OCA2: variants seen among roughly 807,000 people sequenced by gnomAD.
OCA2 encodes OCA2 melanosomal transmembrane protein.
Under a neutral mutation model 100.2 loss-of-function variants are expected in OCA2, and 77 were observed. The ratio of observed to expected loss-of-function variants is 0.77; its 90% CI spans 0.64 to 0.93. The LOEUF is 0.93. OCA2 is among the 40% of genes least tolerant of loss of function. The probability of loss-of-function intolerance (pLI) is 0.00; values close to 1 mark genes in which losing one functional copy is unlikely to be tolerated. For synonymous variants in OCA2, 432 were observed against 439.2 expected (o/e 0.98, Z 0.21); for missense variants, 1,062 against 1,089.1 (o/e 0.98, Z 0.35).
chr15:27,808,328 T>G (rs940543518), intron 23 of OCA2, among the ~76,000 whole-genome samples: 1 of 152,180 alleles, frequency 6.6e-6, no homozygotes, highest in African/African-American at 2.4e-5. Flanking sequence ...GAGCTGGCCA[T>G]GGGGCAGATG....
intron 23 of OCA2, among the ~76,000 whole-genome samples, chr15:27,827,022 G>A (rs2034752877): frequency 6.6e-6 from 1 of 152,226 alleles, no homozygotes. Context: ...GGAGCAGCCT[G>A]CCCTGTGGGG....
At chr15:28,061,656 G>A (rs752571729) in intron 2 of OCA2, among the ~76,000 whole-genome samples, 7 of 152,132 alleles carry the variant, frequency 4.6e-5, no homozygotes, top group African/African-American at 1.2e-4. Context: ...CACCATTTAC[G>A]AGGAACAGGC....
At chr15:27,916,936 C>T (rs2038686654) in intron 19 of OCA2, among the ~76,000 whole-genome samples, 1 of 152,054 alleles carries the variant, frequency 6.6e-6, no homozygotes, top group African/African-American at 2.4e-5. Context: ...AGGAAGCCCT[C>T]AAAATGTGGA....
At chr15:28,077,360 T>C (rs551788163) in intron 2 of OCA2, among the ~76,000 whole-genome samples, 17 of 152,284 alleles carry the variant, frequency 1.1e-4, no homozygotes, top group African/African-American at 3.6e-4. Flanking sequence ...CACCCAGCCC[T>C]GTGCTTAGTT....
At chr15:27,801,913 A>G (rs2033631112) in intron 23 of OCA2, among the ~76,000 whole-genome samples, 1 of 152,196 alleles carries the variant, frequency 6.6e-6, no homozygotes, top group Non-Finnish European at 1.5e-5. Flanking sequence ...TCCACTCTCA[A>G]CATTTCTATT....
intron 2 of OCA2, among the ~76,000 whole-genome samples, chr15:28,041,678 G>A (rs536416090): frequency 5.8e-4 from 88 of 152,174 alleles, no homozygotes; most frequent in Admixed American, 4.7e-3. Flanking sequence ...CATAACTGAA[G>A]GATACAAAAT....
At chr15:27,927,245 C>T (rs929273497) in intron 18 of OCA2, among the ~76,000 whole-genome samples, 2 of 152,238 alleles carry the variant, frequency 1.3e-5, no homozygotes, top group South Asian at 2.1e-4. Context: ...GCCGAGATCA[C>T]GCCATTGCAC....
chr15:27,959,538 T>G (rs746767164), intron 15 of OCA2, among the ~76,000 whole-genome samples: 4 of 152,224 alleles, frequency 2.6e-5, no homozygotes, highest in Non-Finnish European at 5.9e-5. Flanking sequence ...TTTCCAGCCA[T>G]TCTCTAAAGG....
At chr15:27,924,230 C>A (rs2038966665) in intron 19 of OCA2, among the ~76,000 whole-genome samples, 1 of 151,972 alleles carries the variant, frequency 6.6e-6, no homozygotes. Context: ...ACATACCTAA[C>A]TTTGACTTAA....
At chr15:27,807,425 C>A (rs553073949) in intron 23 of OCA2, among the ~76,000 whole-genome samples, 11 of 152,158 alleles carry the variant, frequency 7.2e-5, no homozygotes, top group Non-Finnish European at 1.5e-4. Context: ...CCCAGTGTGT[C>A]CCCAGCTTCC....
chr15:27,810,852 AT>A (rs1168625071), intron 23 of OCA2, among the ~76,000 whole-genome samples: 1 of 152,122 alleles, frequency 6.6e-6, no homozygotes, highest in Non-Finnish European at 1.5e-5. Flanking sequence ...AATGGCCATT[AT>A]CAAAAAGTCA....
chr15:27,789,506 C>T (rs1188483848), intron 23 of OCA2, among the ~76,000 whole-genome samples: 1 of 152,136 alleles, frequency 6.6e-6, no homozygotes, highest in Non-Finnish European at 1.5e-5. Context: ...TGTATTCTTA[C>T]ATGAGGCTTT....
chr15:27,719,906 C>T, the OCA2 span, among the ~76,000 whole-genome samples: 3 of 152,092 alleles, frequency 2.0e-5, no homozygotes, highest in Non-Finnish European at 4.4e-5. Flanking sequence ...CTTTCTCCTC[C>T]TATAAAGCTG....
intron 10 of OCA2, 121 bp downstream of exon 10, chr15:27,990,455 C>A (rs2041515803): frequency 5.0e-6 from 5 of 999,852 alleles, no homozygotes; most frequent in Non-Finnish European, 8.0e-6. Flanking sequence ...GGTTCTTGGG[C>A]AAAAACATGG....
chr15:27,998,152 T>A (rs2041809170), intron 9 of OCA2, among the ~76,000 whole-genome samples: 1 of 139,834 alleles, frequency 7.2e-6, no homozygotes, highest in Admixed American at 7.4e-5. Context: ...GGACTTCATG[T>A]CTAAAATACC....
At chr15:28,002,396 G>A (rs1344810460) in intron 9 of OCA2, among the ~76,000 whole-genome samples, 1 of 152,128 alleles carries the variant, frequency 6.6e-6, no homozygotes, top group Non-Finnish European at 1.5e-5. Flanking sequence ...TTCTCTGCAG[G>A]GTGGAGGTGG....
rs569817715 is a variant in OCA2 at position 27,835,845 on chromosome 15, C to T, written c.2432+9114G>A. On this transcript the variant is annotated intron_variant, in intron 23 of 23. Coordinates refer to ENST00000354638, the MANE Select transcript of OCA2 (RefSeq NM_000275.3). ...CCTCCCATTCTCCCCTAGTGGTCTGCGTGCCTCTCCCAGTACTGAGGTTGT... is the reference window on the plus strand; with the variant it reads ...CCTCCCATTCTCCCCTAGTGGTCTGTGTGCCTCTCCCAGTACTGAGGTTGT... Among the ~76,000 whole-genome samples, 20 of 152,300 alleles carry T rather than the reference C, an allele frequency of 1.3e-4. No homozygotes were observed. In the South Asian group the frequency reaches 3.9e-3, roughly 30 times the overall value.
the OCA2 span, among the ~76,000 whole-genome samples, chr15:27,727,559 C>T: frequency 6.6e-6 from 1 of 152,206 alleles, no homozygotes; most frequent in Non-Finnish European, 1.5e-5. Context: ...TACAAGGTAA[C>T]ATCGGCTCAG....
the OCA2 span, among the ~76,000 whole-genome samples, chr15:27,724,171 G>T: frequency 1.3e-4 from 20 of 152,282 alleles, 3 homozygotes; most frequent in Admixed American, 5.9e-4. Context: ...TGTCTGCCAG[G>T]GCTGCTGTAA....
Sources: gnomAD v4.1 joint callset for allele counts (sites outside exome capture counted in the v4.1 genomes callset) on GRCh38, gnomAD v4.1.1 for gene constraint, MANE v1.5 for transcripts, NCBI Gene and HGNC (gene_info 2026-07-23, HGNC 2026-07-21) for gene names.